AKAP13: variants seen among roughly 807,000 people sequenced by gnomAD.
AKAP13 encodes A-kinase anchoring protein 13, also known as A-kinase anchor protein 13.
AKAP13 carries 80 observed loss-of-function variants against 264.5 expected under a neutral mutation model. That is an observed-to-expected ratio of 0.30 (90% CI 0.25 to 0.36). The LOEUF is 0.36. AKAP13 is among the 10% of genes least tolerant of loss of function. AKAP13 has a pLI of 1.00. For synonymous variants in AKAP13, 1,380 were observed against 1,250.2 expected (o/e 1.10, Z -2.19); for missense variants, 3,712 against 3,435.2 (o/e 1.08, Z -2.01).
chr15:85,726,222 G>A, intron 26 of AKAP13, 188 bp from the exon 27 acceptor site: 1 of 464,754 alleles, frequency 2.2e-6, no homozygotes, highest in Admixed American at 3.9e-5. Context: ...CTAAAAATCT[G>A]GTGACCAGAT....
At chr15:85,624,985 T>C (rs1470315479) in intron 8 of AKAP13, among the ~76,000 whole-genome samples, 1 of 152,218 alleles carries the variant, frequency 6.6e-6, no homozygotes, top group African/African-American at 2.4e-5. Context: ...AGTTTGGATG[T>C]TGAATACCTG....
At chr15:85,577,814 C>T (rs1033260833) in intron 6 of AKAP13, 54 of 985,072 alleles carry the variant, frequency 5.5e-5, no homozygotes, top group Non-Finnish European at 6.5e-5. Flanking sequence ...CCCCATAACT[C>T]GATGGTTAAG....
chr15:85,654,004 A>G (rs1247478492), intron 10 of AKAP13, among the ~76,000 whole-genome samples: 5 of 152,200 alleles, frequency 3.3e-5, no homozygotes, highest in African/African-American at 9.6e-5. Context: ...GGCATGAGCC[A>G]CTGCGCCCAG....
At chr15:85,545,217 C>G (rs151204611) in intron 5 of AKAP13, among the ~76,000 whole-genome samples, 3 of 152,190 alleles carry the variant, frequency 2.0e-5, no homozygotes, top group Non-Finnish European at 4.4e-5. Flanking sequence ...ATTCATTCTA[C>G]GGTTAGCCTC....
chr15:85,642,991 C>T (rs537055752), intron 9 of AKAP13, among the ~76,000 whole-genome samples: 16 of 150,780 alleles, frequency 1.1e-4, no homozygotes, highest in African/African-American at 3.4e-4. Flanking sequence ...ACCAACTCCT[C>T]CTAGGTTACT....
rs76663727 is a variant in AKAP13, at chr15:85,601,311, C to T, written c.4161+15488C>T. On this transcript the variant is annotated intron_variant, in intron 8 of 36. Coordinates refer to ENST00000394518, the MANE Select transcript of AKAP13 (RefSeq NM_007200.5). The stretch of plus-strand genomic sequence containing the variant: ...CACATAGGTCATCAAAAGTCTTTTC[C>T]TAAATAATTTTATTTGCCCTTCAGA... Among the ~76,000 whole-genome samples the T allele has an allele frequency of 6.5e-4, 99 of 152,270 alleles. 2 individuals carry two copies. The East Asian group carries it at 0.019, about 29-fold the overall frequency.
chr15:85,651,931 C>T (rs752823163), intron 10 of AKAP13, among the ~76,000 whole-genome samples: 1 of 152,202 alleles, frequency 6.6e-6, no homozygotes, highest in Admixed American at 6.5e-5. Context: ...TTTTCCCAAG[C>T]GGTTGTACCA....
chr15:85,399,253 T>C (rs960196473), intron 1 of AKAP13, among the ~76,000 whole-genome samples: 2 of 151,714 alleles, frequency 1.3e-5, no homozygotes, highest in African/African-American at 4.8e-5. Flanking sequence ...TCCCAGCACT[T>C]TGGGAGGCCG....
intron 9 of AKAP13, among the ~76,000 whole-genome samples, chr15:85,642,628 C>G (rs1340322423): frequency 6.6e-6 from 1 of 152,212 alleles, no homozygotes; most frequent in Non-Finnish European, 1.5e-5. Flanking sequence ...ACTTTTCCCT[C>G]TTTCCCTCCT....
In AKAP13 at chr15:85,543,792, T is replaced by G; in HGVS notation, c.499T>G (p.Leu167Val). The change falls in exon 5 of 37, where the codon TTG becomes GTG. Residue 167 changes from leucine to valine, a missense_variant. Around this residue, in one of 3 missense-constraint regions of AKAP13, gnomAD observed 2,759 missense variants for 2,411.7 expected, o/e 1.14. Transcript: ENST00000394518. ...SLHDAGPRETLMHFAVRLGLL... is the reference protein window; with the variant it reads ...SLHDAGPRETVMHFAVRLGLL... The stretch of plus-strand genomic sequence containing the variant: ...TACAGATGCTGGCCCGCGAGAGACA[T>G]TGATGCATTTTGCTGTGCGGCTGGG... The G allele has an allele frequency of 6.2e-7, 1 of 1,610,054 alleles. No homozygotes were observed.
Position 85,585,745 on chromosome 15 carries a change from A to G in AKAP13, c.4083A>G (p.Ala1361=). ...VKAEDEVDFR[A]SSISEEVAVG... ...CTGAAGATGAAGTGGATTTTAGAGC[A>G]AGTTCAATTTCTGAAGAAGTGGCTG... Residue 1361 remains alanine (A), a synonymous_variant, in exon 8 of 37, where the codon GCA becomes GCG. Coordinates refer to ENST00000394518, the MANE Select transcript of AKAP13 (RefSeq NM_007200.5). 6.2e-7 allele frequency: 1 copy of G among 1,614,178 alleles called. No individual in the cohort carries two copies. Among genetic ancestry groups the G allele is most frequent in the Non-Finnish European group, 8.5e-7 (1 of 1,180,012 alleles).
intron 8 of AKAP13, among the ~76,000 whole-genome samples, chr15:85,633,567 G>A (rs1213527688): frequency 2.4e-5 from 3 of 125,040 alleles, no homozygotes; most frequent in Admixed American, 9.1e-5. Context: ...TTTTTGAGAC[G>A]GAGTCTCTCT....
chr15:85,465,251 CAGG>C, intron 1 of AKAP13, among the ~76,000 whole-genome samples: 1 of 152,184 alleles, frequency 6.6e-6, no homozygotes. Flanking sequence ...CACGCCCGGC[CAGG>C]CATTAATTAC....
chr15:85,528,043 G>C (rs1265337036), intron 3 of AKAP13, among the ~76,000 whole-genome samples: 2 of 152,180 alleles, frequency 1.3e-5, no homozygotes, highest in Non-Finnish European at 2.9e-5. Flanking sequence ...TCAAAAGAGA[G>C]GGCCCAGATG....
intron 14 of AKAP13, among the ~76,000 whole-genome samples, chr15:85,678,023 A>T (rs554208679): frequency 6.6e-6 from 1 of 152,270 alleles, no homozygotes; most frequent in South Asian, 2.1e-4. Context: ...GATAAGCTGT[A>T]GGCTTCAGAT....
intron 1 of AKAP13, among the ~76,000 whole-genome samples, chr15:85,451,545 A>G (rs2074089643): frequency 6.6e-6 from 1 of 152,114 alleles, no homozygotes; most frequent in Non-Finnish European, 1.5e-5. Context: ...TCCTTTCAAG[A>G]TATCTTTTAA....
chr15:85,697,469 T>TGA (rs1174466642), intron 17 of AKAP13, among the ~76,000 whole-genome samples: 1 of 152,188 alleles, frequency 6.6e-6, no homozygotes, highest in Non-Finnish European at 1.5e-5. Flanking sequence ...TTCAGTAGGC[T>TGA]GAGGCAGGAG....
At chr15:85,739,307 G>C (rs901413826) in intron 33 of AKAP13, among the ~76,000 whole-genome samples, 3 of 152,014 alleles carry the variant, frequency 2.0e-5, no homozygotes, top group African/African-American at 7.2e-5. Flanking sequence ...TTCTTATTAA[G>C]TTTTTGTTCG....
chr15:85,620,205 C>T (rs1198366116), intron 8 of AKAP13: 3 of 1,531,836 alleles, frequency 2.0e-6, no homozygotes, highest in Non-Finnish European at 2.6e-6. Context: ...CATTCTGAAG[C>T]TCTGCAGGCT....
Sources: allele counts gnomAD v4.1 joint callset (sites outside exome capture counted in the v4.1 genomes callset), GRCh38; gene constraint gnomAD v4.1.1; regional missense constraint gnomAD v4.1.1; transcripts MANE v1.5; gene names NCBI Gene and HGNC (gene_info 2026-07-23, HGNC 2026-07-21).